GMDS: variants seen among roughly 807,000 people sequenced by gnomAD.
The protein encoded by GMDS is GDP-mannose 4,6-dehydratase.
A neutral mutation model predicts 49.9 loss-of-function variants in GMDS; 20 were observed. The observed-to-expected ratio is 0.40, with a 90% CI of 0.28 to 0.58. The LOEUF (loss-of-function observed/expected upper bound fraction) is 0.58, where lower values mean the gene tolerates loss of function less well. Ranked by LOEUF, GMDS falls within the 20% of genes least tolerant of loss-of-function variation. The probability of loss-of-function intolerance (pLI) is 0.42; values close to 1 mark genes in which losing one functional copy is unlikely to be tolerated. For missense variants in GMDS, 362 were observed against 481.4 expected (o/e 0.75, Z 2.32); for synonymous variants, 177 against 178.6 (o/e 0.99, Z 0.07).
intron 7 of GMDS, among the ~76,000 whole-genome samples, chr6:1,915,327 A>T: frequency 6.6e-6 from 1 of 152,202 alleles, no homozygotes; most frequent in East Asian, 1.9e-4. Context: ...ACAAGGCGGG[A>T]AATGGCCAAT....
intron 1 of GMDS, among the ~76,000 whole-genome samples, chr6:2,242,902 C>T (rs1472600766): frequency 6.6e-6 from 1 of 152,186 alleles, no homozygotes; most frequent in African/African-American, 2.4e-5. Context: ...GATTTTCAGA[C>T]CCCTTGCATT....
chr6:1,971,210 T>G (rs959321064), intron 4 of GMDS, among the ~76,000 whole-genome samples: 3 of 152,132 alleles, frequency 2.0e-5, no homozygotes, highest in African/African-American at 7.2e-5. Context: ...GAGCCAGCAG[T>G]GGCTCTGGAG....
chr6:2,033,137 T>G (rs1180924263), intron 4 of GMDS, among the ~76,000 whole-genome samples: 2 of 152,212 alleles, frequency 1.3e-5, no homozygotes, highest in Non-Finnish European at 2.9e-5. Context: ...AATTGATACT[T>G]CCTTCATTTA....
intron 7 of GMDS, among the ~76,000 whole-genome samples, chr6:1,758,426 C>G (rs1210498163): frequency 2.6e-5 from 4 of 152,220 alleles, no homozygotes; most frequent in South Asian, 2.1e-4. Context: ...ATACCACACT[C>G]TCTCCCCAAT....
At chr6:1,630,088 T>A (rs367545989) in intron 9 of GMDS, among the ~76,000 whole-genome samples, 1 of 152,210 alleles carries the variant, frequency 6.6e-6, no homozygotes, top group Non-Finnish European at 1.5e-5. Context: ...ATTTTAAAAA[T>A]ATGGTTGACA....
At chr6:2,017,370 G>GCA (rs1767970820) in intron 4 of GMDS, among the ~76,000 whole-genome samples, 1 of 151,666 alleles carries the variant, frequency 6.6e-6, no homozygotes, top group African/African-American at 2.4e-5. Flanking sequence ...GTGCAGTGGC[G>GCA]CTATCTCCGC....
intron 1 of GMDS, among the ~76,000 whole-genome samples, chr6:2,149,417 G>T (rs1380924175): frequency 6.6e-6 from 1 of 152,068 alleles, no homozygotes; most frequent in Non-Finnish European, 1.5e-5. Context: ...CAATTTAACT[G>T]CCACAGAACT....
At chr6:1,839,195 C>T (rs1050915569) in intron 7 of GMDS, among the ~76,000 whole-genome samples, 1 of 151,844 alleles carries the variant, frequency 6.6e-6, no homozygotes, top group Admixed American at 6.6e-5. Context: ...TAGTGATTTG[C>T]TCCGCAACAG....
Position 1,718,244 on chromosome 6 carries a change from A to C in GMDS, c.987+8172T>G, listed in dbSNP as rs149819762. 7.9e-5 allele frequency among the ~76,000 whole-genome samples: 12 copies of C among 152,028 alleles called. No individual in the cohort carries two copies. The East Asian group carries it at 2.3e-3, about 29-fold the overall frequency. ...GCCCTAGCCCTGACCTCTTTTCTCTACACTAGGCCTCCAGCTCCAACTGCC... is the reference window on the plus strand; with the variant it reads ...GCCCTAGCCCTGACCTCTTTTCTCTCCACTAGGCCTCCAGCTCCAACTGCC... On this transcript the variant is annotated intron_variant, in intron 9 of 10. Coordinates refer to ENST00000380815, the MANE Select transcript of GMDS (RefSeq NM_001500.4).
At chr6:2,215,230 T>G (rs1561663587) in intron 1 of GMDS, among the ~76,000 whole-genome samples, 1 of 151,738 alleles carries the variant, frequency 6.6e-6, no homozygotes, top group African/African-American at 2.4e-5. Context: ...CATACAGAGA[T>G]AGAGACACAG....
chr6:1,849,635 T>C (rs1222913102), intron 7 of GMDS, among the ~76,000 whole-genome samples: 3 of 152,216 alleles, frequency 2.0e-5, no homozygotes, highest in East Asian at 1.9e-4. Flanking sequence ...AATTTTAGCA[T>C]TGCAAAAATA....
intron 1 of GMDS, among the ~76,000 whole-genome samples, chr6:2,202,265 AG>A (rs2127577094): frequency 6.7e-6 from 1 of 150,342 alleles, no homozygotes; most frequent in African/African-American, 2.4e-5. Flanking sequence ...TGGACATCCG[AG>A]ATGAAACCAT....
intron 7 of GMDS, among the ~76,000 whole-genome samples, chr6:1,749,110 T>C (rs1227068071): frequency 6.6e-6 from 1 of 152,192 alleles, no homozygotes. Context: ...CATTGCACGC[T>C]TTGCCCCAGG....
chr6:2,187,371 C>T (rs960462438), intron 1 of GMDS, among the ~76,000 whole-genome samples: 2 of 152,136 alleles, frequency 1.3e-5, no homozygotes, highest in African/African-American at 2.4e-5. Flanking sequence ...TTTGGTTTAC[C>T]TATGGCACCA....
chr6:2,153,359 T>C (rs1231660284), intron 1 of GMDS, among the ~76,000 whole-genome samples: 1 of 151,992 alleles, frequency 6.6e-6, no homozygotes, highest in Non-Finnish European at 1.5e-5. Flanking sequence ...ATAGGAAAAC[T>C]AAAAACTTCT....
At chr6:2,161,275 C>T (rs981178178) in intron 1 of GMDS, among the ~76,000 whole-genome samples, 1 of 152,154 alleles carries the variant, frequency 6.6e-6, no homozygotes, top group African/African-American at 2.4e-5. Context: ...TCCCAAAGTG[C>T]TGGGATTACA....
chr6:2,156,079 C>A (rs1696830403), intron 1 of GMDS, among the ~76,000 whole-genome samples: 1 of 151,762 alleles, frequency 6.6e-6, no homozygotes, highest in African/African-American at 2.4e-5. Flanking sequence ...TCCTAAATGT[C>A]AAGAAAAATC....
intron 7 of GMDS, among the ~76,000 whole-genome samples, chr6:1,925,987 A>G (rs374283015): frequency 1.0e-3 from 152 of 152,328 alleles, no homozygotes; most frequent in African/African-American, 3.5e-3. Flanking sequence ...CCGGCAGGCC[A>G]CAGACGGGTG....
At chr6:1,716,936 T>C (rs918325564) in intron 9 of GMDS, among the ~76,000 whole-genome samples, 1 of 152,184 alleles carries the variant, frequency 6.6e-6, no homozygotes, top group Non-Finnish European at 1.5e-5. Flanking sequence ...GTTTTCTGAG[T>C]GTGTACATTA....
Sources: allele counts gnomAD v4.1 joint callset (sites outside exome capture counted in the v4.1 genomes callset), GRCh38; gene constraint gnomAD v4.1.1; transcripts MANE v1.5; gene names NCBI Gene and HGNC (gene_info 2026-07-23, HGNC 2026-07-21).